MYO10: variants seen among roughly 807,000 people sequenced by gnomAD.
MYO10 encodes the protein myosin X, also known as unconventional myosin-X.
In MYO10, 133 loss-of-function variants were observed where a neutral mutation model predicts 257.3. The ratio of observed to expected loss-of-function variants is 0.52; its 90% CI spans 0.45 to 0.60. The LOEUF (loss-of-function observed/expected upper bound fraction) is 0.60. Ranked by LOEUF, MYO10 falls within the 20% of genes least tolerant of loss-of-function variation. MYO10 has a pLI of 0.00. For synonymous variants in MYO10, 1,104 were observed against 1,028.6 expected, an observed-to-expected ratio of 1.07 and a Z score of -1.40; for missense variants, 2,399 against 2,635.7, an observed-to-expected ratio of 0.91 and a Z score of 1.97.
rs951612284 is a variant in MYO10 at position 16,675,897 on chromosome 5, A to C, written c.4666+134T>G. 6 of 1,126,444 alleles carry C rather than the reference A, an allele frequency of 5.3e-6. No individual in the cohort carries two copies. The African/African-American group carries it at 9.6e-5, about 18-fold the overall frequency. The allele number at this position is 1,126,444 out of a possible 1,614,324, so 69.8% of individuals were successfully genotyped here. On this transcript the variant is annotated intron_variant, in intron 34 of 40. Transcript: ENST00000513610. The stretch of plus-strand genomic sequence containing the variant: ...TTAATAATGAATCTAAGTATATTTC[A>C]TCTTTTCCTTCCAATTCACGACGAA...
At chr5:16,704,842 C>T (rs1354765410) in intron 21 of MYO10, among the ~76,000 whole-genome samples, 157 bp from the exon 22 acceptor site, 1 of 152,156 alleles carries the variant, frequency 6.6e-6, no homozygotes, top group African/African-American at 2.4e-5. Context: ...TTAAAGGTTC[C>T]ACCTGTCATG....
intron 1 of MYO10, among the ~76,000 whole-genome samples, chr5:16,903,070 C>T (rs953282149): frequency 6.6e-6 from 1 of 152,238 alleles, no homozygotes; most frequent in African/African-American, 2.4e-5. Flanking sequence ...GCTTCACACG[C>T]ACTAACTTGC....
At chr5:16,805,805 T>C (rs753011814) in intron 3 of MYO10, among the ~76,000 whole-genome samples, 1 of 152,168 alleles carries the variant, frequency 6.6e-6, no homozygotes, top group Non-Finnish European at 1.5e-5. Flanking sequence ...CCAAAATACA[T>C]TCCCTTGCCC....
At chr5:16,792,555 C>A (rs1308954505) in intron 4 of MYO10, among the ~76,000 whole-genome samples, 1 of 148,496 alleles carries the variant, frequency 6.7e-6, no homozygotes, top group Non-Finnish European at 1.5e-5. Flanking sequence ...CTCTGTCCTC[C>A]CCCAACCCCA....
intron 2 of MYO10, among the ~76,000 whole-genome samples, chr5:16,860,435 A>C (rs1271065744): frequency 6.6e-6 from 1 of 152,114 alleles, no homozygotes; most frequent in Non-Finnish European, 1.5e-5. Flanking sequence ...CATTCGGGCA[A>C]CTCGTTAAAT....
At chr5:16,804,083 T>C (rs967192931) in intron 3 of MYO10, among the ~76,000 whole-genome samples, 5 of 152,234 alleles carry the variant, frequency 3.3e-5, no homozygotes, top group Non-Finnish European at 7.3e-5. Context: ...TTTTTGAGAA[T>C]GTGCCACACT....
chr5:16,723,626 T>C (rs1739243439), intron 19 of MYO10, among the ~76,000 whole-genome samples: 1 of 152,176 alleles, frequency 6.6e-6, no homozygotes, highest in Non-Finnish European at 1.5e-5. Context: ...TTTTCCCATT[T>C]AGGCAAAAAC....
chr5:16,778,840 G>T (rs907233598), intron 9 of MYO10, among the ~76,000 whole-genome samples: 3 of 151,918 alleles, frequency 2.0e-5, no homozygotes, highest in African/African-American at 7.3e-5. Flanking sequence ...ATAGGCGCCC[G>T]CCACCACGCC....
intron 19 of MYO10, among the ~76,000 whole-genome samples, chr5:16,751,942 T>G (rs1007498833): frequency 6.6e-6 from 1 of 152,118 alleles, no homozygotes; most frequent in African/African-American, 2.4e-5. Flanking sequence ...AAATGCAAAA[T>G]TCAAAGCAAT....
In MYO10 at chr5:16,671,837, AAAAG is replaced by A. The variant is rs1177029191; in HGVS notation, c.5310-299_5310-296del. Among the ~76,000 whole-genome samples the A allele has an allele frequency of 4.6e-5, 7 of 152,356 alleles. No homozygotes were observed. In the South Asian group the frequency reaches 1.2e-3, roughly 27 times the overall value. On this transcript the variant is annotated intron_variant, in intron 37 of 40. Coordinates refer to ENST00000513610, the MANE Select transcript of MYO10 (RefSeq NM_012334.3). Reference sequence around the variant, plus strand: ...AGCATTATGCTGAGTCCACGGGAAGAAAAGAAACAAAAGCCTGTTTCTTTATTAC... The same window carrying A: ...AGCATTATGCTGAGTCCACGGGAAGAAAACAAAAGCCTGTTTCTTTATTAC...
intron 21 of MYO10, among the ~76,000 whole-genome samples, chr5:16,704,982 T>C (rs1373559799): frequency 6.6e-6 from 1 of 152,232 alleles, no homozygotes; most frequent in African/African-American, 2.4e-5. Flanking sequence ...ACCAAATTGC[T>C]ATCTAAGCTT....
chr5:16,766,419 A>G lies in MYO10; in HGVS notation c.1061-221T>C, dbSNP rs138789666. 5.4e-3 allele frequency among the ~76,000 whole-genome samples: 815 copies of G among 152,286 alleles called. 6 individuals carry two copies. The highest frequency in any genetic ancestry group is 0.031 in the Middle Eastern group (9 of 294). On this transcript the variant is annotated intron_variant, in intron 10 of 40. Coordinates refer to ENST00000513610, the MANE Select transcript of MYO10 (RefSeq NM_012334.3). ...TCTGGGAATCCTATGGGTGTCCCCAAGATCCTGTCAGAGATTTGCAACTCC... is the reference window on the plus strand; with the variant it reads ...TCTGGGAATCCTATGGGTGTCCCCAGGATCCTGTCAGAGATTTGCAACTCC...
At chr5:16,909,225 T>C (rs1000757625) in intron 1 of MYO10, among the ~76,000 whole-genome samples, 4 of 152,088 alleles carry the variant, frequency 2.6e-5, no homozygotes, top group Admixed American at 1.3e-4. Flanking sequence ...AACCATCAAA[T>C]TGGCCAGGTG....
chr5:16,674,193 C>T (rs1184377465), intron 35 of MYO10, among the ~76,000 whole-genome samples: 2 of 152,198 alleles, frequency 1.3e-5, no homozygotes, highest in African/African-American at 2.4e-5. Context: ...CTTGGCCGGG[C>T]GCCGTGGCTA....
At chr5:16,750,191 C>T (rs1018263617) in intron 19 of MYO10, among the ~76,000 whole-genome samples, 3 of 152,164 alleles carry the variant, frequency 2.0e-5, no homozygotes, top group African/African-American at 7.2e-5. Flanking sequence ...TGGCGTCTCT[C>T]GGGAAGCAGG....
At chr5:16,667,431 C>T (rs1435333561) in intron 40 of MYO10, among the ~76,000 whole-genome samples, 1 of 152,166 alleles carries the variant, frequency 6.6e-6, no homozygotes. Flanking sequence ...TGTTTGCTCT[C>T]TTCCCTTCCA....
At chr5:16,779,339 G>A (rs1741330743) in intron 9 of MYO10, among the ~76,000 whole-genome samples, 2 of 152,084 alleles carry the variant, frequency 1.3e-5, no homozygotes, top group South Asian at 4.1e-4. Context: ...TCTAAGGAAA[G>A]AAGAGTCCTC....
chr5:16,816,428 T>C (rs1302309197), intron 3 of MYO10, among the ~76,000 whole-genome samples: 1 of 151,730 alleles, frequency 6.6e-6, no homozygotes. Flanking sequence ...ATTCTTTCTC[T>C]TTCCCAGCTC....
chr5:16,855,960 T>C (rs1743947473), intron 2 of MYO10, among the ~76,000 whole-genome samples: 1 of 152,186 alleles, frequency 6.6e-6, no homozygotes, highest in Non-Finnish European at 1.5e-5. Flanking sequence ...CCCAGAACCA[T>C]CTGTAACATC....
Sources: allele counts gnomAD v4.1 joint callset (sites outside exome capture counted in the v4.1 genomes callset), GRCh38; gene constraint gnomAD v4.1.1; transcripts MANE v1.5; gene names NCBI Gene and HGNC (gene_info 2026-07-23, HGNC 2026-07-21).